Variants in RYR1 observed in about 807,000 individuals in gnomAD.
RYR1 encodes ryanodine receptor 1, also known as central core disease of muscle.
A neutral mutation model predicts 583.5 loss-of-function variants in RYR1; 342 were observed. That is an observed-to-expected ratio of 0.59 (90% CI 0.54 to 0.64). The LOEUF (loss-of-function observed/expected upper bound fraction) is 0.64, where lower values mean the gene tolerates loss of function less well. RYR1 is among the 30% of genes least tolerant of loss of function. The pLI, the probability that RYR1 is intolerant of heterozygous loss-of-function variation, is 0.00. For synonymous variants in RYR1, 2,791 were observed against 2,822.5 expected, an observed-to-expected ratio of 0.99 and a Z score of 0.35; for missense variants, 6,032 against 6,917.2, an observed-to-expected ratio of 0.87 and a Z score of 4.54.
chr19:38,552,587 A>ACC, intron 89 of RYR1, among the ~76,000 whole-genome samples: 1 of 152,142 alleles, frequency 6.6e-6, no homozygotes, highest in Non-Finnish European at 1.5e-5. Context: ...GGATGTGGAA[A>ACC]CTGAGGCACA....
In RYR1 at chr19:38,523,948, A is replaced by T. The variant is rs768276248; in HGVS notation, c.10455+19A>T. The T allele has an allele frequency of 5.6e-6, 9 of 1,613,050 alleles. No homozygotes were observed. The highest frequency in any genetic ancestry group is 7.6e-6 in the Non-Finnish European group (9 of 1,179,794). On this transcript the variant is annotated intron_variant, in intron 70 of 105. Coordinates refer to ENST00000359596, the MANE Select transcript of RYR1 (RefSeq NM_000540.3). ...TATACAGGTCAGCCCCACATCTGGG[A>T]CCTTCCGCATGTCTCTTGGCTAATG...
In RYR1 at chr19:38,502,897, T is replaced by G; in HGVS notation, c.7853T>G (p.Met2618Arg). The G allele has an allele frequency of 6.2e-7, 1 of 1,611,718 alleles. No homozygotes were observed. ...TCCCGCAGGTACATCCGCCCGTCGA[T>G]GCTGCAGCACCTGTTGCGCCGCCTG... ...MSLCRYIRPS[M>R]LQHLLRRLVF... Residue 2618 changes from methionine (M) to arginine (R), a missense_variant, in exon 49 of 106, where the codon ATG becomes AGG. Around this residue, in one of 11 missense-constraint regions of RYR1, gnomAD observed 250 missense variants for 162.3 expected, o/e 1.54. Transcript: ENST00000359596.
In RYR1 at chr19:38,543,768, C is replaced by G. The variant is rs775599047; in HGVS notation, c.11908-3C>G. ...CCCCCCCACACGGCACTCTGCCTCC[C>G]AGGGTCCCTGCACCGGGAACCAGCA... On this transcript the variant is annotated splice_polypyrimidine_tract_variant and splice_region_variant and intron_variant, in intron 86 of 105. Transcript: ENST00000359596. This position sits in a 1 kb window ranked among gnomAD's most constrained non-coding sequence, Gnocchi z 4.4. The G allele has an allele frequency of 6.2e-7, 1 of 1,612,904 alleles. No homozygotes were observed.
At chr19:38,451,997 C>A in intron 12 of RYR1, 112 bp downstream of exon 12, 1 of 1,470,754 alleles carries the variant, frequency 6.8e-7, no homozygotes. Context: ...CCTTGTCTAA[C>A]ATATACATGG....
chr19:38,514,524 G>A lies in RYR1; in HGVS notation c.9473-502G>A, dbSNP rs577188428. On this transcript the variant is annotated intron_variant, in intron 63 of 105. Transcript: ENST00000359596. The stretch of plus-strand genomic sequence containing the variant: ...TCGAACTCCTGACCTCAGGTGATCC[G>A]TCCACCTCAGCCTCCAAAGTGCTGG... Among the ~76,000 whole-genome samples, 39 of 151,664 alleles carry A rather than the reference G, an allele frequency of 2.6e-4. 2 individuals carry two copies. The South Asian group carries it at 5.2e-3, about 20-fold the overall frequency.
At chr19:38,575,541 G>C (rs1181334985) in intron 96 of RYR1, among the ~76,000 whole-genome samples, 2 of 152,162 alleles carry the variant, frequency 1.3e-5, no homozygotes, top group Non-Finnish European at 2.9e-5. Flanking sequence ...GTGGGCGCCT[G>C]TAATCCCAGC....
chr19:38,496,625 A>C lies in RYR1; in HGVS notation c.6796+84A>C. 3.9e-6 allele frequency: 6 copies of C among 1,531,936 alleles called. No homozygotes were observed. The highest frequency in any genetic ancestry group is 5.4e-6 in the Non-Finnish European group (6 of 1,109,368). 94.9% of individuals were successfully genotyped at this position (1,531,936 alleles called of 1,614,324 possible). On this transcript the variant is annotated intron_variant, in intron 41 of 105. Coordinates refer to ENST00000359596, the MANE Select transcript of RYR1 (RefSeq NM_000540.3). The surrounding 1 kb of genome is among the most constrained non-coding windows in gnomAD (Gnocchi z 4.8). ...GGCCTGCCCCACTTTCCACCAGCTC[A>C]CTCATTCAACAAACACTCCCTCTCA...
At chr19:38,586,855 C>G (rs1406148545) in intron 105 of RYR1, among the ~76,000 whole-genome samples, 3 of 152,156 alleles carry the variant, frequency 2.0e-5, no homozygotes, top group Non-Finnish European at 4.4e-5. Context: ...CCTGTAATCC[C>G]AGCTACTTGG....
At chr19:38,478,904 A>T (rs992216745) in intron 31 of RYR1, among the ~76,000 whole-genome samples, 2 of 152,168 alleles carry the variant, frequency 1.3e-5, no homozygotes, top group Non-Finnish European at 2.9e-5. Flanking sequence ...AGTAGCTGGG[A>T]TTACAGGCGA....
chr19:38,485,520 A>C, intron 33 of RYR1, 70 bp from the exon 34 acceptor site: 740 of 1,550,152 alleles, frequency 4.8e-4, no homozygotes, highest in Non-Finnish European at 5.9e-4. Context: ...AAATGGAGGA[A>C]GAGATGGTGG....
At chr19:38,446,906 GAGAT>G (rs1972970200) in intron 9 of RYR1, 138 bp downstream of exon 9, 1 of 695,694 alleles carries the variant, frequency 1.4e-6, no homozygotes, top group Non-Finnish European at 2.4e-6. Flanking sequence ...GCCTGAGAGA[GAGAT>G]GAAAATCTCG....
In RYR1 at chr19:38,537,853, G is replaced by T. The variant is rs771549514; in HGVS notation, c.11609-27G>T. The T allele has an allele frequency of 1.5e-5, 24 of 1,609,688 alleles. No homozygotes were observed. In the South Asian group the frequency reaches 2.4e-4, roughly 16 times the overall value. Reference sequence around the variant, plus strand: ...TGTCTTGGCGCATCTGACCCCTCCTGGGCCCTGTCCCCTCCCTTCCACCTA... The same window carrying T: ...TGTCTTGGCGCATCTGACCCCTCCTTGGCCCTGTCCCCTCCCTTCCACCTA... On this transcript the variant is annotated intron_variant, in intron 83 of 105. Coordinates refer to ENST00000359596, the MANE Select transcript of RYR1 (RefSeq NM_000540.3).
chr19:38,523,844 G>C, intron 69 of RYR1, 71 bp from the exon 70 acceptor site: 1 of 1,608,238 alleles, frequency 6.2e-7, no homozygotes, highest in Non-Finnish European at 8.5e-7. Flanking sequence ...TGGCAACTTG[G>C]AGTTGGGCCT....
intron 34 of RYR1, among the ~76,000 whole-genome samples, chr19:38,488,146 C>A (rs1187070453): frequency 6.6e-6 from 1 of 151,932 alleles, no homozygotes; most frequent in Non-Finnish European, 1.5e-5. Flanking sequence ...CCTATCCAGC[C>A]ATGTGGCCAA....
chr19:38,489,818 TG>T (rs1969472077), intron 35 of RYR1, among the ~76,000 whole-genome samples: 1 of 152,012 alleles, frequency 6.6e-6, no homozygotes, highest in African/African-American at 2.4e-5. Flanking sequence ...TTAGTAGAGA[TG>T]GGGTTTCGCC....
intron 88 of RYR1, 48 bp from the exon 89 acceptor site, chr19:38,548,185 C>T (rs530544035): frequency 6.2e-7 from 1 of 1,610,060 alleles, no homozygotes; most frequent in Non-Finnish European, 8.5e-7. Flanking sequence ...CTGGTGGGGC[C>T]CCAGAAGGGA....
Position 38,460,555 on chromosome 19 carries a change from C to T in RYR1, c.2541C>T (p.His847=). Residue 847 remains histidine (H), a synonymous_variant, in exon 20 of 106, where the codon CAC becomes CAT. Coordinates refer to ENST00000359596, the MANE Select transcript of RYR1 (RefSeq NM_000540.3). The stretch of plus-strand genomic sequence containing the variant: ...TGGGCCCCAGTCGCTGCCTCTCACA[C>T]ACCGACTTCGTGCCCTGCCCTGTGG... The part of the protein sequence containing the change: ...HLVGPSRCLS[H]TDFVPCPVDT... The T allele has an allele frequency of 6.2e-7, 1 of 1,613,708 alleles. No homozygotes were observed.
chr19:38,507,583 G>C, intron 57 of RYR1, 129 bp from the exon 58 acceptor site: 2 of 724,984 alleles, frequency 2.8e-6, no homozygotes, highest in Non-Finnish European at 5.1e-6. Context: ...ACTCAGAGTG[G>C]AGCCCCAACC....
chr19:38,505,983 T>TG, intron 54 of RYR1, 37 bp downstream of exon 54: 1 of 1,574,754 alleles, frequency 6.4e-7, no homozygotes, highest in Non-Finnish European at 8.7e-7. Context: ...AGGGGCACGA[T>TG]GGGGGGAGGG....
Sources: gnomAD v4.1 joint callset for allele counts (sites outside exome capture counted in the v4.1 genomes callset) on GRCh38, gnomAD v4.1.1 for gene constraint, gnomAD v4.1.1 regional missense constraint, Gnocchi (gnomAD v3.1) non-coding constraint, MANE v1.5 for transcripts, NCBI Gene and HGNC (gene_info 2026-07-23, HGNC 2026-07-21) for gene names.